Variants in ZAR1L observed in about 807,000 individuals in gnomAD.
The protein encoded by ZAR1L is zygote arrest 1 like.
In ZAR1L, 16 loss-of-function variants were observed where a neutral mutation model predicts 30.0. That is an observed-to-expected ratio of 0.53 (90% CI 0.36 to 0.81). The LOEUF is 0.81. Among genes scored for constraint, ZAR1L ranks in the 30% least tolerant of loss-of-function variants. The pLI is 0.00. For synonymous variants in ZAR1L, 197 were observed against 166.8 expected (o/e 1.18, Z -1.40); for missense variants, 392 against 417.2 (o/e 0.94, Z 0.53).
chr13:32,311,167 A>G, intron 3 of ZAR1L, 105 bp downstream of exon 3: 1 of 1,277,694 alleles, frequency 7.8e-7, no homozygotes, highest in Non-Finnish European at 1.0e-6. Flanking sequence ...CACCAAGTAC[A>G]TGGAAGAAGA....
chr13:32,304,467 A>T (rs12861790), intron 5 of ZAR1L, among the ~76,000 whole-genome samples: 45,911 of 152,116 alleles, frequency 0.3, 8,361 homozygotes, highest in Non-Finnish European at 0.4. Flanking sequence ...ATGAACATTT[A>T]AAAAAGACTA....
rs1487062605 is a variant in ZAR1L, at chr13:32,303,875, C to T, written c.*4G>A. ...GGGGTCCATTACAAGTCACACTGTACAAGTCACATCACATATTTAAAGCTG... is the reference window on the plus strand; with the variant it reads ...GGGGTCCATTACAAGTCACACTGTATAAGTCACATCACATATTTAAAGCTG... On this transcript the variant is annotated 3_prime_UTR_variant, in exon 6 of 6. Transcript: ENST00000533490. 5 of 1,551,436 alleles carry T rather than the reference C, an allele frequency of 3.2e-6. No individual in the cohort carries two copies. Among genetic ancestry groups the T allele is most frequent in the South Asian group, 1.2e-5 (1 of 84,022 alleles).
At chr13:32,311,017 T>A (rs959473211) in intron 3 of ZAR1L, among the ~76,000 whole-genome samples, 1 of 152,204 alleles carries the variant, frequency 6.6e-6, no homozygotes, top group Non-Finnish European at 1.5e-5. Flanking sequence ...AAGCCCTTCT[T>A]CGTCTCCAAA....
intron 1 of ZAR1L, among the ~76,000 whole-genome samples, chr13:32,315,089 CTT>C (rs1252827512): frequency 6.6e-6 from 1 of 152,144 alleles, no homozygotes; most frequent in African/African-American, 2.4e-5. Flanking sequence ...CCACTCTAAG[CTT>C]TTGTAAGATC....
At chr13:32,312,221 T>C in intron 2 of ZAR1L, 128 bp from the exon 3 acceptor site, 1 of 373,270 alleles carries the variant, frequency 2.7e-6, no homozygotes, top group Non-Finnish European at 4.9e-6. Context: ...TTCCAGCTTA[T>C]TCACACATAT....
In ZAR1L at chr13:32,311,402, G is replaced by C. The variant is rs1158118960; in HGVS notation, c.524C>G (p.Ala175Gly). ...CTGCCCGGGCTCCTCCTGCCTGTCAGCTCCTGACCTCCGTGATGGTGGCTG... is the reference window on the plus strand; with the variant it reads ...CTGCCCGGGCTCCTCCTGCCTGTCACCTCCTGACCTCCGTGATGGTGGCTG... ...QPQPPSRRSG[A>G]DRQEEPGQLE... is the part of the protein sequence containing the mutation. Residue 175 changes from alanine (A) to glycine (G), a missense_variant, in exon 3 of 6, where the codon GCT becomes GGT. Physicochemically the swap from Ala to Gly is moderately conservative, Grantham distance 60. Transcript: ENST00000533490. The C allele has an allele frequency of 6.5e-7, 1 of 1,550,312 alleles. No homozygotes were observed. Among genetic ancestry groups the C allele is most frequent in the Non-Finnish European group, 8.7e-7 (1 of 1,146,958 alleles).
intron 5 of ZAR1L, among the ~76,000 whole-genome samples, chr13:32,305,402 A>C (rs949825725): frequency 2.0e-5 from 3 of 148,162 alleles, no homozygotes; most frequent in Non-Finnish European, 4.5e-5. Context: ...AATTTTTTGT[A>C]TTTTTAGTAG....
rs1490531637 is a variant in ZAR1L, at chr13:32,311,632, C to T, written c.294G>A (p.Arg98=). The change falls in exon 3 of 6, where the codon CGG becomes CGA. Residue 98 remains arginine (R), a synonymous_variant. Transcript: ENST00000533490. ...GAGAGCACTGCACAGCCTTGTCCAC[C>T]CGCGGGCTCACCTGCACGCCCACCT... ...TKEVGVQVSP[R]VDKAVQCSLG... is the part of the protein sequence containing the mutation. 6.4e-7 allele frequency: 1 copy of T among 1,551,026 alleles called. No homozygotes were observed. Among genetic ancestry groups the T allele is most frequent in the Admixed American group, 2.0e-5 (1 of 50,992 alleles).
At chr13:32,304,136 T>C (rs949543037) in intron 5 of ZAR1L, 114 bp from the exon 6 acceptor site, 21 of 1,150,756 alleles carry the variant, frequency 1.8e-5, no homozygotes, top group Middle Eastern at 2.9e-4. Flanking sequence ...CTTCATCCTC[T>C]GAGTCCTACG....
chr13:32,309,620 C>T (rs1166028922), intron 4 of ZAR1L, among the ~76,000 whole-genome samples: 1 of 152,192 alleles, frequency 6.6e-6, no homozygotes, highest in Non-Finnish European at 1.5e-5. Context: ...AGCTAATACC[C>T]TCCTTCCTGT....
chr13:32,312,100 G>T lies in ZAR1L; in HGVS notation c.-168-7C>A. 1 of 762,256 alleles carries T rather than the reference G, an allele frequency of 1.3e-6. No homozygotes were observed. The highest frequency in any genetic ancestry group is 2.0e-6 in the Non-Finnish European group (1 of 495,342). The allele number at this position is 762,256 out of a possible 1,614,324, so 47.2% of individuals were successfully genotyped here. A position where few individuals can be genotyped will look rare whatever the true frequency, so the allele number is the denominator to read the frequency against. ...GGAGCTGCTGCTTATTACCCTGATTGAGGGAGAGAAGCTCTATCTACAGAT... is the reference window on the plus strand; with the variant it reads ...GGAGCTGCTGCTTATTACCCTGATTTAGGGAGAGAAGCTCTATCTACAGAT... On this transcript the variant is annotated splice_region_variant and splice_polypyrimidine_tract_variant and intron_variant, in intron 2 of 5. Transcript: ENST00000533490.
At position 32,307,392 on chromosome 13, in the gene ZAR1L, G is replaced by A. The variant is rs528393246; in HGVS notation, c.822+1294C>T. On this transcript the variant is annotated intron_variant, in intron 5 of 5. Transcript: ENST00000533490. ...CAGGCGCCTGTAGTCCTAGCTACTT[G>A]GGAGGCTGGGGCAAGAGAATCACTT... Among the ~76,000 whole-genome samples the A allele has an allele frequency of 2.1e-4, 32 of 150,234 alleles. No homozygotes were observed. The South Asian group carries it at 6.8e-3, about 32-fold the overall frequency.
chr13:32,305,610 T>A (rs1343658399), intron 5 of ZAR1L, among the ~76,000 whole-genome samples: 2 of 152,230 alleles, frequency 1.3e-5, no homozygotes, highest in Non-Finnish European at 2.9e-5. Context: ...ATACATGAAT[T>A]CATTTAATTC....
rs1448498031 is a variant in ZAR1L, at chr13:32,303,897, G to A, written c.948C>T (p.Ser316=). ...GTACAAGTCACATCACATATTTAAA[G>A]CTGTAAATATTGCCACAGGAGAATC... ...DKRFSCGNIY[S]FKYVM The change falls in exon 6 of 6, where the codon AGC becomes AGT. Residue 316 remains serine (S), a synonymous_variant. Transcript: ENST00000533490. The A allele has an allele frequency of 6.4e-7, 1 of 1,551,710 alleles. No individual in the cohort carries two copies. The highest frequency in any genetic ancestry group is 8.7e-7 in the Non-Finnish European group (1 of 1,146,988).
intron 5 of ZAR1L, among the ~76,000 whole-genome samples, chr13:32,307,693 T>A (rs2072186559): frequency 6.6e-6 from 1 of 152,106 alleles, no homozygotes; most frequent in African/African-American, 2.4e-5. Flanking sequence ...AAAATACATT[T>A]AAACCCAGTT....
rs532184055 is a variant in ZAR1L, at chr13:32,310,527, C to T, written c.747+112G>A. On this transcript the variant is annotated intron_variant, in intron 4 of 5. Coordinates refer to ENST00000533490, the MANE Select transcript of ZAR1L (RefSeq NM_001136571.2). Reference sequence around the variant, plus strand: ...TGTACACCTGGCACGGGGGATGCCACCAAGATCAAGACAGGACTATGACAG... The same window carrying T: ...TGTACACCTGGCACGGGGGATGCCATCAAGATCAAGACAGGACTATGACAG... 1,031 of 749,270 alleles carry T rather than the reference C, an allele frequency of 1.4e-3. 1 individual carries two copies. The highest frequency in any genetic ancestry group is 1.7e-3 in the Non-Finnish European group (770 of 447,222). The allele number at this position is 749,270 out of a possible 1,614,324, so 46.4% of individuals were successfully genotyped here.
intron 3 of ZAR1L, among the ~76,000 whole-genome samples, 180 bp downstream of exon 3, chr13:32,311,092 T>C (rs2072208704): frequency 6.6e-6 from 1 of 152,122 alleles, no homozygotes; most frequent in Non-Finnish European, 1.5e-5. Context: ...TGGCACCTAT[T>C]TTACCCAAAA....
chr13:32,308,852 T>C, intron 4 of ZAR1L, 92 bp from the exon 5 acceptor site: 1 of 853,356 alleles, frequency 1.2e-6, no homozygotes, highest in Non-Finnish European at 1.9e-6. Flanking sequence ...CATTGCATCT[T>C]GCTTTTACCA....
At position 32,311,334 on chromosome 13, in the gene ZAR1L, T is replaced by C; in HGVS notation, c.592A>G (p.Thr198Ala). The C allele has an allele frequency of 6.4e-7, 1 of 1,550,890 alleles. No individual in the cohort carries two copies. The highest frequency in any genetic ancestry group is 8.7e-7 in the Non-Finnish European group (1 of 1,146,930). The change falls in exon 3 of 6, where the codon ACG (threonine) becomes GCG (alanine). Residue 198 changes from threonine (T) to alanine (A), a missense_variant. By Grantham distance (58) the Thr-to-Ala change is moderately conservative. Coordinates refer to ENST00000533490, the MANE Select transcript of ZAR1L (RefSeq NM_001136571.2). ...TCTCCAGGCACCTGCTTGCTCTTCG[T>C]CTCCTGAGGGCACGGGGCGTCTTTC... ...GEKDAPCPQE[T>A]KSKQVPGDAA... is the part of the protein sequence containing the mutation.
Sources: gnomAD v4.1 joint callset for allele counts (sites outside exome capture counted in the v4.1 genomes callset) on GRCh38, gnomAD v4.1.1 for gene constraint, MANE v1.5 for transcripts, NCBI Gene and HGNC (gene_info 2026-07-23, HGNC 2026-07-21) for gene names.